Variants in DNAH11 observed in about 807,000 individuals in gnomAD.
DNAH11 encodes axonemal beta dynein heavy chain 11.
Under a neutral mutation model 526.0 loss-of-function variants are expected in DNAH11, and 442 were observed. That is an observed-to-expected ratio of 0.84 (90% CI 0.78 to 0.91). The LOEUF (loss-of-function observed/expected upper bound fraction) is 0.91, where lower values mean the gene tolerates loss of function less well. Among genes scored for constraint, DNAH11 ranks in the 40% least tolerant of loss-of-function variants. The pLI is 0.00. For synonymous variants in DNAH11, 2,461 were observed against 1,935.9 expected (o/e 1.27, Z -7.12); for missense variants, 6,989 against 5,448.7 (o/e 1.28, Z -8.90).
At chr7:21,882,827 G>A (rs1352005505) in intron 75 of DNAH11, among the ~76,000 whole-genome samples, 30 of 152,056 alleles carry the variant, frequency 2.0e-4, no homozygotes, top group Admixed American at 2.0e-3. Context: ...CAAATCCTTA[G>A]CTAAATAATT....
chr7:21,781,338 T>C (rs1478886556), intron 57 of DNAH11, among the ~76,000 whole-genome samples: 2 of 152,226 alleles, frequency 1.3e-5, no homozygotes, highest in Non-Finnish European at 2.9e-5. Flanking sequence ...GTTGAAATCA[T>C]TGCTTCAAAT....
In DNAH11 at chr7:21,601,629, A is replaced by G. The variant is rs559120051; in HGVS notation, c.3648+11A>G. The G allele has an allele frequency of 8.3e-5, 127 of 1,527,510 alleles. 2 individuals are homozygous for G. The South Asian group carries it at 1.5e-3, about 18-fold the overall frequency. 94.6% of individuals were successfully genotyped at this position (1,527,510 alleles called of 1,614,324 possible). On this transcript the variant is annotated intron_variant, in intron 18 of 81. Transcript: ENST00000409508. ...TATATTCAGCTAGAGGTAAGTGCAG[A>G]GGTGAAATAATCATAATTACCATAA...
chr7:21,699,661 T>C (rs1481754662), intron 36 of DNAH11, among the ~76,000 whole-genome samples: 1 of 152,182 alleles, frequency 6.6e-6, no homozygotes, highest in Admixed American at 6.5e-5. Flanking sequence ...AGTAAGATTA[T>C]GGGTGTTTTT....
chr7:21,780,314 G>T (rs568425984), intron 57 of DNAH11, among the ~76,000 whole-genome samples: 1 of 152,242 alleles, frequency 6.6e-6, no homozygotes, highest in Non-Finnish European at 1.5e-5. Context: ...GGAGGCAGAG[G>T]CAGGAGGATA....
chr7:21,694,866 T>G (rs1356966139), intron 35 of DNAH11, among the ~76,000 whole-genome samples: 1 of 152,192 alleles, frequency 6.6e-6, no homozygotes, highest in Non-Finnish European at 1.5e-5. Flanking sequence ...CATCTGTTGT[T>G]TCCAGACTTT....
intron 2 of DNAH11, among the ~76,000 whole-genome samples, chr7:21,549,324 C>T (rs773081165): frequency 6.6e-6 from 1 of 152,196 alleles, no homozygotes. Context: ...ACATGCATAA[C>T]ACTTACTCTT....
chr7:21,588,416 T>G lies in DNAH11; in HGVS notation c.1849-96T>G, dbSNP rs915139621. The G allele has an allele frequency of 3.4e-6, 5 of 1,489,524 alleles. No homozygotes were observed. The African/African-American group carries it at 5.6e-5, about 17-fold the overall frequency. The allele number at this position is 1,489,524 out of a possible 1,614,324, so 92.3% of individuals were successfully genotyped here. ...ATTAAACACATATGTTTTATACTAC[T>G]GTAAAAATACCAAAATGAAAAATTG... On this transcript the variant is annotated intron_variant, in intron 10 of 81. Coordinates refer to ENST00000409508, the MANE Select transcript of DNAH11 (RefSeq NM_001277115.2).
At chr7:21,769,483 G>T (rs996413287) in intron 55 of DNAH11, among the ~76,000 whole-genome samples, 67 of 94,896 alleles carry the variant, frequency 7.1e-4, no homozygotes, top group African/African-American at 3.2e-3. Context: ...TTTATTCTTT[G>T]GTTTTTTTTT....
At chr7:21,591,904 T>C (rs188518936) in intron 14 of DNAH11, among the ~76,000 whole-genome samples, 2 of 152,334 alleles carry the variant, frequency 1.3e-5, no homozygotes, top group East Asian at 3.9e-4. Flanking sequence ...CTGCCTCGTA[T>C]GTGCCAAACA....
chr7:21,739,528 A>G lies in DNAH11; in HGVS notation c.7812-43A>G, dbSNP rs567493107. ...AACTGTTAGATTTTGCTCTTTTGTC[A>G]TCTCCAGTTTTTGGATTTAAGGTTC... On this transcript the variant is annotated intron_variant, in intron 47 of 81. Transcript: ENST00000409508. 2.9e-5 allele frequency: 44 copies of G among 1,531,150 alleles called. No homozygotes were observed. The African/African-American group carries it at 4.3e-4, about 15-fold the overall frequency. 94.8% of individuals were successfully genotyped at this position (1,531,150 alleles called of 1,614,324 possible).
chr7:21,659,288 A>G (rs753064132), intron 30 of DNAH11, among the ~76,000 whole-genome samples: 19 of 149,008 alleles, frequency 1.3e-4, no homozygotes, highest in Non-Finnish European at 1.9e-4. Flanking sequence ...GATACTGTAC[A>G]TGCTTATTTT....
intron 61 of DNAH11, among the ~76,000 whole-genome samples, chr7:21,796,641 A>G (rs1456015437): frequency 2.6e-5 from 4 of 152,192 alleles, no homozygotes; most frequent in Non-Finnish European, 4.4e-5. Flanking sequence ...AACAAATAGT[A>G]AAGAGGCCAG....
At chr7:21,686,742 A>G (rs1783392340) in intron 32 of DNAH11, among the ~76,000 whole-genome samples, 1 of 152,158 alleles carries the variant, frequency 6.6e-6, no homozygotes, top group Non-Finnish European at 1.5e-5. Context: ...CTTTTCCTTT[A>G]TAAACAATAG....
intron 62 of DNAH11, among the ~76,000 whole-genome samples, chr7:21,805,914 A>G (rs760236903): frequency 2.6e-5 from 4 of 152,222 alleles, no homozygotes; most frequent in Non-Finnish European, 4.4e-5. Context: ...GATTTTGTCT[A>G]TATCGCATTG....
At chr7:21,637,050 C>T (rs760017710) in intron 26 of DNAH11, among the ~76,000 whole-genome samples, 1 of 152,012 alleles carries the variant, frequency 6.6e-6, no homozygotes, top group Non-Finnish European at 1.5e-5. Flanking sequence ...TTTCTTTCTA[C>T]CTGAAGTAGA....
At chr7:21,589,079 G>C (rs1213036003) in intron 11 of DNAH11, 129 bp from the exon 12 acceptor site, 3 of 628,964 alleles carry the variant, frequency 4.8e-6, no homozygotes, top group African/African-American at 3.9e-5. Context: ...CACATAATTT[G>C]GTCTTGACTG....
intron 81 of DNAH11, among the ~76,000 whole-genome samples, chr7:21,900,677 G>A (rs946050812): frequency 1.3e-4 from 20 of 152,216 alleles, no homozygotes; most frequent in Admixed American, 3.3e-4. Context: ...AAGGTGCGAC[G>A]GGGAGGAAAT....
rs986995033 is a variant in DNAH11, at chr7:21,852,501, T to C, written c.10931T>C (p.Ile3644Thr). Residue 3644 changes from isoleucine to threonine, a missense_variant, in exon 67 of 82, where the codon ATT becomes ACT. By Grantham distance (89) the Ile-to-Thr change is moderately conservative (BLOSUM62 -1). Coordinates refer to ENST00000409508, the MANE Select transcript of DNAH11 (RefSeq NM_001277115.2). Reference protein sequence around the residue: ...VLTKHQNDFKIELKYLEDDLL... With the variant: ...VLTKHQNDFKTELKYLEDDLL... ...ACAAAGCACCAAAATGATTTTAAAA[T>C]TGAGCTCAAGTATCTGGAAGACGAT... The C allele has an allele frequency of 1.9e-6, 3 of 1,613,550 alleles. No individual in the cohort carries two copies. Among genetic ancestry groups the C allele is most frequent in the South Asian group, 1.1e-5 (1 of 91,042 alleles).
At chr7:21,566,540 T>G (rs1342057334) in intron 6 of DNAH11, among the ~76,000 whole-genome samples, 1 of 151,898 alleles carries the variant, frequency 6.6e-6, no homozygotes, top group Non-Finnish European at 1.5e-5. Flanking sequence ...TTACAAAAAT[T>G]CAAAAGTTAC....
Sources: gnomAD v4.1 joint callset for allele counts (sites outside exome capture counted in the v4.1 genomes callset) on GRCh38, gnomAD v4.1.1 for gene constraint, MANE v1.5 for transcripts, NCBI Gene and HGNC (gene_info 2026-07-23, HGNC 2026-07-21) for gene names.